DOCK4: variants seen among roughly 807,000 people sequenced by gnomAD.
DOCK4 encodes the protein dedicator of cytokinesis protein 4.
Under a neutral mutation model 268.1 loss-of-function variants are expected in DOCK4, and 97 were observed. That is an observed-to-expected ratio of 0.36 (90% confidence interval 0.31 to 0.43). The LOEUF is 0.43. Ranked by LOEUF, DOCK4 falls within the 20% of genes least tolerant of loss-of-function variation. The pLI is 1.00. For missense variants in DOCK4, 2,145 were observed against 2,455.7 expected (o/e 0.87, Z 2.67); for synonymous variants, 954 against 887.2 (o/e 1.08, Z -1.34).
intron 16 of DOCK4, among the ~76,000 whole-genome samples, chr7:111,879,771 G>A (rs1011778852): frequency 1.3e-5 from 2 of 152,156 alleles, no homozygotes; most frequent in African/African-American, 4.8e-5. Context: ...GTTGAAAAAT[G>A]CAACTGACAT....
At chr7:112,120,138 A>G (rs1004214053) in intron 1 of DOCK4, among the ~76,000 whole-genome samples, 2 of 152,104 alleles carry the variant, frequency 1.3e-5, no homozygotes, top group Non-Finnish European at 1.5e-5. Flanking sequence ...TGCTCTTTTT[A>G]ATAATTTAAG....
intron 1 of DOCK4, among the ~76,000 whole-genome samples, chr7:112,051,072 T>C (rs953572243): frequency 1.3e-5 from 2 of 152,116 alleles, no homozygotes; most frequent in Non-Finnish European, 2.9e-5. Context: ...CACACATATA[T>C]GTTAATACTA....
At chr7:111,989,702 T>C (rs1799368120) in intron 5 of DOCK4, among the ~76,000 whole-genome samples, 2 of 152,384 alleles carry the variant, frequency 1.3e-5, no homozygotes, top group East Asian at 1.9e-4. Context: ...GGCCAGTATT[T>C]AGACTTTTAA....
intron 1 of DOCK4, among the ~76,000 whole-genome samples, chr7:112,147,117 C>G (rs987125947): frequency 3.9e-5 from 6 of 151,932 alleles, no homozygotes; most frequent in South Asian, 4.1e-4. Flanking sequence ...TAATACAGTT[C>G]TTATATAATA....
intron 10 of DOCK4, among the ~76,000 whole-genome samples, chr7:111,942,507 C>G (rs1028842416): frequency 2.0e-5 from 3 of 152,156 alleles, no homozygotes; most frequent in South Asian, 2.1e-4. Flanking sequence ...TGGTTCTCTT[C>G]ACCGCCTTGC....
intron 10 of DOCK4, among the ~76,000 whole-genome samples, chr7:111,941,134 T>A (rs1795165191): frequency 6.6e-6 from 1 of 152,216 alleles, no homozygotes; most frequent in South Asian, 2.1e-4. Flanking sequence ...CTGCAAGATG[T>A]CACTTTCAGG....
At chr7:111,735,202 C>T (rs1795391140) in intron 50 of DOCK4, 35 bp from the exon 51 acceptor site, 1 of 1,376,612 alleles carries the variant, frequency 7.3e-7, no homozygotes, top group African/African-American at 1.5e-5. Context: ...AACACACGGT[C>T]CAGCTTTGCC....
chr7:112,196,061 AC>A (rs1820399162), intron 1 of DOCK4, among the ~76,000 whole-genome samples: 1 of 152,168 alleles, frequency 6.6e-6, no homozygotes, highest in Non-Finnish European at 1.5e-5. Context: ...TTGCTAAGTG[AC>A]AGATGCCTGT....
chr7:111,920,250 A>C (rs1792991131), intron 12 of DOCK4, among the ~76,000 whole-genome samples: 1 of 152,154 alleles, frequency 6.6e-6, no homozygotes, highest in African/African-American at 2.4e-5. Flanking sequence ...GTTAATAATA[A>C]TATACTGCAT....
chr7:111,739,640 G>T (rs1795760380), intron 47 of DOCK4, 163 bp from the exon 48 acceptor site: 3 of 631,588 alleles, frequency 4.7e-6, no homozygotes, highest in Non-Finnish European at 8.2e-6. Flanking sequence ...AAGTCTGCAT[G>T]AATTAATGAA....
chr7:111,907,057 T>C (rs1791640013), intron 13 of DOCK4, among the ~76,000 whole-genome samples: 1 of 152,050 alleles, frequency 6.6e-6, no homozygotes, highest in Non-Finnish European at 1.5e-5. Context: ...GAGGAAGGAA[T>C]GGGAGCAGGA....
intron 1 of DOCK4, among the ~76,000 whole-genome samples, chr7:112,032,434 C>G (rs1444453790): frequency 6.6e-6 from 1 of 152,180 alleles, no homozygotes; most frequent in African/African-American, 2.4e-5. Context: ...GAAAACCTTT[C>G]ACATATCACT....
chr7:111,838,035 A>C (rs1305090280), intron 25 of DOCK4, among the ~76,000 whole-genome samples: 2 of 150,122 alleles, frequency 1.3e-5, no homozygotes, highest in Non-Finnish European at 3.0e-5. Context: ...GCAGTGAGCC[A>C]AGATTGCACC....
chr7:112,161,666 T>C (rs1305061052), intron 1 of DOCK4, among the ~76,000 whole-genome samples: 1 of 152,200 alleles, frequency 6.6e-6, no homozygotes, highest in Non-Finnish European at 1.5e-5. Flanking sequence ...ATGTCAGAGA[T>C]GCTTTACTTA....
At chr7:111,784,434 C>T (rs1035651932) in intron 32 of DOCK4, 1 of 581,308 alleles carries the variant, frequency 1.7e-6, no homozygotes, top group Non-Finnish European at 3.2e-6. Flanking sequence ...AATGCAACTG[C>T]TACAGGAAAA....
intron 1 of DOCK4, among the ~76,000 whole-genome samples, chr7:112,201,705 G>A (rs1462214616): frequency 6.6e-6 from 1 of 152,140 alleles, no homozygotes; most frequent in African/African-American, 2.4e-5. Flanking sequence ...ACATGCAGGA[G>A]GTAGAGGTAA....
chr7:112,114,900 T>A (rs1012877384), intron 1 of DOCK4, among the ~76,000 whole-genome samples: 1 of 152,174 alleles, frequency 6.6e-6, no homozygotes, highest in South Asian at 2.1e-4. Context: ...CTTACAATTA[T>A]CATGAAAATA....
At chr7:112,123,558 T>G (rs1812941867) in intron 1 of DOCK4, among the ~76,000 whole-genome samples, 2 of 152,182 alleles carry the variant, frequency 1.3e-5, no homozygotes, top group Admixed American at 1.3e-4. Context: ...AAGAACAGAT[T>G]CTGGAATTTT....
At chr7:112,045,422 C>T (rs529447165) in intron 1 of DOCK4, among the ~76,000 whole-genome samples, 5 of 152,276 alleles carry the variant, frequency 3.3e-5, no homozygotes, top group African/African-American at 4.8e-5. Flanking sequence ...CATTTTTCTC[C>T]TCATTAAAAT....
Sources: allele counts gnomAD v4.1 joint callset (sites outside exome capture counted in the v4.1 genomes callset), GRCh38; gene constraint gnomAD v4.1.1; transcripts MANE v1.5; gene names NCBI Gene and HGNC (gene_info 2026-07-23, HGNC 2026-07-21).